Variants in INPP4B observed in about 807,000 individuals in gnomAD.
INPP4B encodes inositol polyphosphate 4-phosphatase type II.
A neutral mutation model predicts 122.5 loss-of-function variants in INPP4B; 55 were observed. The ratio of observed to expected loss-of-function variants is 0.45; its 90% CI spans 0.36 to 0.56. The LOEUF is 0.56. Ranked by LOEUF, INPP4B falls within the 20% of genes least tolerant of loss-of-function variation. INPP4B has a pLI of 0.00. For synonymous variants in INPP4B, 403 were observed against 388.7 expected (o/e 1.04, Z -0.43); for missense variants, 1,000 against 1,097.7 (o/e 0.91, Z 1.26).
chr4:142,682,330 AT>A (rs1472695596), intron 2 of INPP4B, among the ~76,000 whole-genome samples: 1 of 151,566 alleles, frequency 6.6e-6, no homozygotes. Context: ...TACCTACTCA[AT>A]CTAAGCTTGA....
At chr4:142,256,406 G>A (rs1736097391) in intron 11 of INPP4B, among the ~76,000 whole-genome samples, 1 of 151,954 alleles carries the variant, frequency 6.6e-6, no homozygotes, top group Non-Finnish European at 1.5e-5. Flanking sequence ...AAAAATTAAT[G>A]AATCCAGGAG....
chr4:142,168,552 G>A (rs1824005916), intron 16 of INPP4B, among the ~76,000 whole-genome samples: 1 of 151,480 alleles, frequency 6.6e-6, no homozygotes, highest in Non-Finnish European at 1.5e-5. Context: ...GACTAATTTA[G>A]TCCCGCTACT....
intron 18 of INPP4B, among the ~76,000 whole-genome samples, chr4:142,138,216 A>G (rs1267989667): frequency 6.6e-6 from 1 of 151,904 alleles, no homozygotes; most frequent in Non-Finnish European, 1.5e-5. Context: ...ATAAAAAATG[A>G]TGAGTTCATG....
intron 7 of INPP4B, among the ~76,000 whole-genome samples, chr4:142,325,733 G>T (rs991776383): frequency 6.6e-6 from 1 of 152,082 alleles, no homozygotes; most frequent in Non-Finnish European, 1.5e-5. Flanking sequence ...AATTGGTGGC[G>T]CTTTAAAACT....
intron 12 of INPP4B, among the ~76,000 whole-genome samples, chr4:142,221,812 T>C (rs1022892232): frequency 2.0e-5 from 3 of 152,358 alleles, no homozygotes; most frequent in East Asian, 1.9e-4. Context: ...TGTTTAATTG[T>C]ATTTAATTTT....
intron 3 of INPP4B, among the ~76,000 whole-genome samples, chr4:142,438,736 C>T (rs1811071072): frequency 6.6e-6 from 1 of 151,952 alleles, no homozygotes. Context: ...AGCAAAACAA[C>T]AAAAAACTAT....
chr4:142,059,148 C>T (rs2152428508), intron 25 of INPP4B, among the ~76,000 whole-genome samples: 1 of 152,246 alleles, frequency 6.6e-6, no homozygotes, highest in South Asian at 2.1e-4. Flanking sequence ...ATTGTCAATA[C>T]AACCCAGTCA....
At chr4:142,541,660 T>G (rs956860205) in intron 2 of INPP4B, among the ~76,000 whole-genome samples, 2 of 152,200 alleles carry the variant, frequency 1.3e-5, no homozygotes, top group Admixed American at 1.3e-4. Context: ...GATGCTAGGC[T>G]TTGTTGGTAG....
intron 2 of INPP4B, among the ~76,000 whole-genome samples, chr4:142,467,038 T>A (rs1408522014): frequency 1.3e-5 from 2 of 152,160 alleles, no homozygotes; most frequent in Non-Finnish European, 2.9e-5. Context: ...AAAGATTGGT[T>A]GCCCAAGTAG....
At chr4:142,667,428 G>A (rs1756279151) in intron 2 of INPP4B, among the ~76,000 whole-genome samples, 1 of 152,288 alleles carries the variant, frequency 6.6e-6, no homozygotes, top group Admixed American at 6.5e-5. Context: ...GTAATGCACT[G>A]TATTGGCCTG....
At chr4:142,370,831 CAAT>C (rs1452031391) in intron 7 of INPP4B, among the ~76,000 whole-genome samples, 1 of 151,914 alleles carries the variant, frequency 6.6e-6, no homozygotes, top group African/African-American at 2.4e-5. Context: ...TGGATCAGAA[CAAT>C]ATTGTTAAAA....
intron 9 of INPP4B, among the ~76,000 whole-genome samples, chr4:142,302,427 G>A (rs1401345198): frequency 6.6e-6 from 1 of 152,080 alleles, no homozygotes; most frequent in Non-Finnish European, 1.5e-5. Context: ...CAAAATGTCG[G>A]TCATTAAAAT....
At chr4:142,661,062 A>G (rs1377737702) in intron 2 of INPP4B, 2 of 152,192 alleles carry the variant, frequency 1.3e-5, no homozygotes, top group African/African-American at 4.8e-5. Context: ...AGTTCACACG[A>G]TTTGAAGCAG....
At chr4:142,382,445 G>A (rs2148869865) in intron 7 of INPP4B, among the ~76,000 whole-genome samples, 1 of 151,558 alleles carries the variant, frequency 6.6e-6, no homozygotes, top group Non-Finnish European at 1.5e-5. Flanking sequence ...GGAGGTGGAT[G>A]TTGCAGTGAG....
At position 142,739,079 on chromosome 4, in the gene INPP4B, C is replaced by G. The variant is rs1007422887; in HGVS notation, c.-253-13178G>C. ...CAATGTCCAAAACCAAACATAATAA[C>G]AAAATAAAACCCTCAAAGAGAAATA... On this transcript the variant is annotated intron_variant, in intron 1 of 25. Transcript: ENST00000262992. 2.7e-4 allele frequency among the ~76,000 whole-genome samples: 41 copies of G among 151,974 alleles called. 1 individual carries two copies. Among genetic ancestry groups the G allele is most frequent in the African/African-American group, 9.7e-4 (40 of 41,382 alleles).
chr4:142,231,909 C>T (rs999811476), intron 12 of INPP4B, among the ~76,000 whole-genome samples: 9 of 151,962 alleles, frequency 5.9e-5, no homozygotes, highest in Non-Finnish European at 8.8e-5. Flanking sequence ...TCATAGAAGT[C>T]AAGGATTGAC....
chr4:142,304,152 T>A (rs1762504210), intron 9 of INPP4B, among the ~76,000 whole-genome samples: 1 of 152,126 alleles, frequency 6.6e-6, no homozygotes, highest in African/African-American at 2.4e-5. Context: ...CATCTCATGT[T>A]ATGAATCCAG....
intron 3 of INPP4B, among the ~76,000 whole-genome samples, chr4:142,449,698 CA>C (rs761552688): frequency 0.024 from 2,539 of 104,976 alleles, 47 homozygotes; most frequent in African/African-American, 0.068. Flanking sequence ...GACTCTGTCC[CA>C]AAAAAAAAAA....
At chr4:142,155,307 T>G (rs767621463) in intron 17 of INPP4B, among the ~76,000 whole-genome samples, 1 of 152,168 alleles carries the variant, frequency 6.6e-6, no homozygotes, top group Non-Finnish European at 1.5e-5. Flanking sequence ...ATATTAATTT[T>G]CACAGGTACC....
Sources: gnomAD v4.1 joint callset for allele counts (sites outside exome capture counted in the v4.1 genomes callset) on GRCh38, gnomAD v4.1.1 for gene constraint, MANE v1.5 for transcripts, NCBI Gene and HGNC (gene_info 2026-07-23, HGNC 2026-07-21) for gene names.